DLC1: variants seen among roughly 807,000 people sequenced by gnomAD.
The protein encoded by DLC1 is DLC1 Rho GTPase activating protein.
A neutral mutation model predicts 140.3 loss-of-function variants in DLC1; 54 were observed. That is an observed-to-expected ratio of 0.38 (90% confidence interval 0.31 to 0.48). DLC1 has a LOEUF of 0.48. DLC1 is among the 20% of genes least tolerant of loss of function. The pLI, the probability that DLC1 is intolerant of heterozygous loss-of-function variation, is 0.96. For synonymous variants in DLC1, 986 were observed against 728.1 expected, an observed-to-expected ratio of 1.35 and a Z score of -5.70; for missense variants, 2,536 against 1,907.0, an observed-to-expected ratio of 1.33 and a Z score of -6.14.
In DLC1 at chr8:13,395,833, A is replaced by C. The variant is rs369532824; in HGVS notation, c.1174-2140T>G. 4.6e-5 allele frequency among the ~76,000 whole-genome samples: 7 copies of C among 150,826 alleles called. No individual in the cohort carries two copies. The South Asian group carries it at 8.4e-4, about 18-fold the overall frequency. On this transcript the variant is annotated intron_variant, in intron 3 of 17. Transcript: ENST00000276297. ...CCTGGAATGATTTTGGATCAGGGCC[A>C]TGTCTTCTTCTTCTTCTTCTTTGTT... is the stretch of plus-strand genomic sequence containing the variant.
intron 2 of DLC1, among the ~76,000 whole-genome samples, chr8:13,426,027 G>T (rs1205789330): frequency 6.6e-6 from 1 of 152,108 alleles, no homozygotes; most frequent in Admixed American, 6.6e-5. Context: ...TGCCCAGGCT[G>T]CTCTCGAACT....
rs147580413 is a variant in DLC1 at position 13,166,365 on chromosome 8, G to A, written c.1349-50708C>T. ...CATTTATTTATTTATTTTTTTAGAC[G>A]GGGTCTGCTCTGTATCCCAGGCTGG... On this transcript the variant is annotated intron_variant, in intron 5 of 17. Transcript: ENST00000276297. 1.6e-3 allele frequency among the ~76,000 whole-genome samples: 243 copies of A among 151,738 alleles called. 3 individuals are homozygous for A. The highest frequency in any genetic ancestry group is 3.7e-4 in the Non-Finnish European group (25 of 67,932).
rs139170635 is a variant in DLC1, at chr8:13,126,704, T to C, written c.1349-11047A>G. Among the ~76,000 whole-genome samples, 286 of 152,330 alleles carry C rather than the reference T, an allele frequency of 1.9e-3. 2 individuals are homozygous for C. The highest frequency in any genetic ancestry group is 6.3e-3 in the African/African-American group (264 of 41,578). On this transcript the variant is annotated intron_variant, in intron 5 of 17. Transcript: ENST00000276297. ...AAACCTAGAGTAACCCTGTCTCTAT[T>C]ATTAAAAGTTGGCATACAAATAAAC...
intron 5 of DLC1, among the ~76,000 whole-genome samples, chr8:13,268,210 A>T (rs943051593): frequency 1.3e-5 from 2 of 152,160 alleles, no homozygotes; most frequent in African/African-American, 2.4e-5. Context: ...ATGTCATTTT[A>T]AAAAATATGA....
intron 5 of DLC1, among the ~76,000 whole-genome samples, chr8:13,266,751 A>G (rs1016319829): frequency 1.3e-5 from 2 of 152,020 alleles, no homozygotes; most frequent in Non-Finnish European, 2.9e-5. Context: ...TATTAAAAAA[A>G]CAAAACAAAA....
At chr8:13,436,314 G>T (rs771959736) in intron 2 of DLC1, among the ~76,000 whole-genome samples, 4 of 152,164 alleles carry the variant, frequency 2.6e-5, no homozygotes, top group Non-Finnish European at 5.9e-5. Flanking sequence ...CTACACCTTG[G>T]TTTTCCTTTA....
Position 13,095,255 on chromosome 8 carries a change from AAC to A in DLC1, c.3168-12_3168-11del. Reference sequence around the variant, plus strand: ...GAACTTGGGCACGGCCCTGTTAAAGAACACAGAGATGGTGGTGTTGGCGGAGA... The same window carrying A: ...GAACTTGGGCACGGCCCTGTTAAAGAACAGAGATGGTGGTGTTGGCGGAGA... On this transcript the variant is annotated splice_polypyrimidine_tract_variant and intron_variant, in intron 10 of 17. Coordinates refer to ENST00000276297, the MANE Select transcript of DLC1 (RefSeq NM_182643.3). The A allele has an allele frequency of 1.2e-6, 2 of 1,614,210 alleles. No individual in the cohort carries two copies. Among genetic ancestry groups the A allele is most frequent in the Non-Finnish European group, 1.7e-6 (2 of 1,180,022 alleles).
intron 5 of DLC1, among the ~76,000 whole-genome samples, chr8:13,122,280 G>C (rs944291112): frequency 1.3e-5 from 2 of 152,122 alleles, no homozygotes; most frequent in South Asian, 4.1e-4. Flanking sequence ...TCAACTCTTG[G>C]AAGGCCTCCA....
intron 5 of DLC1, among the ~76,000 whole-genome samples, chr8:13,126,293 C>A (rs2128959522): frequency 6.6e-6 from 1 of 152,020 alleles, no homozygotes; most frequent in South Asian, 2.1e-4. Context: ...ATCATCACAT[C>A]TTTCTGTTTC....
chr8:13,599,493 A>G (rs1212825163), intron 1 of DLC1, among the ~76,000 whole-genome samples: 1 of 151,998 alleles, frequency 6.6e-6, no homozygotes, highest in Admixed American at 6.6e-5. Context: ...GAATAAAAAG[A>G]CAGAGTGCCC....
intron 5 of DLC1, among the ~76,000 whole-genome samples, chr8:13,189,483 C>G (rs1252196338): frequency 1.3e-4 from 20 of 151,984 alleles, no homozygotes. Flanking sequence ...CTATGGAATT[C>G]AAGGTAGTGT....
At chr8:13,189,026 G>C (rs1389204213) in intron 5 of DLC1, among the ~76,000 whole-genome samples, 2 of 151,050 alleles carry the variant, frequency 1.3e-5, no homozygotes, top group Non-Finnish European at 2.9e-5. Context: ...AATCCCTATG[G>C]ACCAAGCCTT....
In DLC1 at chr8:13,110,394, C is replaced by T. The variant is rs145331736; in HGVS notation, c.1502+348G>A. ...GATGCTCCTGTCTTTATATGCCACC[C>T]CCCATTTATTCCTCTGAACATGCTT... On this transcript the variant is annotated intron_variant, in intron 7 of 17. Coordinates refer to ENST00000276297, the MANE Select transcript of DLC1 (RefSeq NM_182643.3). Among the ~76,000 whole-genome samples the T allele has an allele frequency of 1.2e-3, 181 of 152,238 alleles. 6 individuals carry two copies. The East Asian group carries it at 0.031, about 26-fold the overall frequency.
intron 5 of DLC1, among the ~76,000 whole-genome samples, chr8:13,172,996 A>T (rs886338997): frequency 1.3e-5 from 2 of 152,136 alleles, no homozygotes; most frequent in Non-Finnish European, 2.9e-5. Context: ...TCTTTTCTCT[A>T]TGTGTAACGA....
intron 5 of DLC1, among the ~76,000 whole-genome samples, chr8:13,259,985 C>G (rs1198533714): frequency 6.6e-6 from 1 of 152,030 alleles, no homozygotes; most frequent in Non-Finnish European, 1.5e-5. Context: ...ATTACAAGAG[C>G]AGGAGAAATG....
At chr8:13,240,268 C>G (rs1829483493) in intron 5 of DLC1, among the ~76,000 whole-genome samples, 1 of 152,114 alleles carries the variant, frequency 6.6e-6, no homozygotes, top group Admixed American at 6.6e-5. Context: ...AGAGATTTAG[C>G]CCAGATTCAA....
chr8:13,214,701 C>T, intron 5 of DLC1: 1 of 780,922 alleles, frequency 1.3e-6, no homozygotes, highest in Non-Finnish European at 2.4e-6. Flanking sequence ...AACCAATTGC[C>T]ACTTCCGAGT....
intron 5 of DLC1, among the ~76,000 whole-genome samples, chr8:13,136,421 G>A (rs1822562834): frequency 1.3e-5 from 2 of 152,124 alleles, no homozygotes; most frequent in Admixed American, 1.3e-4. Flanking sequence ...ACTTATAAGT[G>A]AGAACATGGA....
intron 2 of DLC1, among the ~76,000 whole-genome samples, chr8:13,445,125 G>T (rs1011725825): frequency 1.3e-5 from 2 of 152,022 alleles, no homozygotes; most frequent in Non-Finnish European, 2.9e-5. Context: ...CAAAGAGGGC[G>T]AAAGGAAGAG....
Sources: gnomAD v4.1 joint callset for allele counts (sites outside exome capture counted in the v4.1 genomes callset) on GRCh38, gnomAD v4.1.1 for gene constraint, MANE v1.5 for transcripts, NCBI Gene and HGNC (gene_info 2026-07-23, HGNC 2026-07-21) for gene names.